Variants in DIP2B observed in about 807,000 individuals in gnomAD.
DIP2B encodes the protein disco-interacting protein 2 homolog B.
Under a neutral mutation model 198.0 loss-of-function variants are expected in DIP2B, and 76 were observed. The observed-to-expected ratio is 0.38, with a 90% CI of 0.32 to 0.46. The LOEUF is 0.46. Ranked by LOEUF, DIP2B falls within the 20% of genes least tolerant of loss-of-function variation. The pLI is 0.99. For missense variants in DIP2B, 1,559 were observed against 1,978.4 expected (o/e 0.79, Z 4.02); for synonymous variants, 701 against 739.1 (o/e 0.95, Z 0.84).
chr12:50,728,750 C>G, intron 30 of DIP2B, 72 bp downstream of exon 30: 2 of 1,536,638 alleles, frequency 1.3e-6, no homozygotes, highest in Non-Finnish European at 8.8e-7. Flanking sequence ...CTCATCCTTC[C>G]CTTTGCTCCC....
At chr12:50,564,017 T>C (rs1958542734) in intron 1 of DIP2B, among the ~76,000 whole-genome samples, 1 of 152,198 alleles carries the variant, frequency 6.6e-6, no homozygotes, top group African/African-American at 2.4e-5. Flanking sequence ...ACCTCCACTT[T>C]CCACTTCTGT....
chr12:50,694,531 A>G (rs933414883), intron 14 of DIP2B, among the ~76,000 whole-genome samples: 1 of 82,702 alleles, frequency 1.2e-5, no homozygotes, highest in African/African-American at 3.6e-5. Context: ...ATACATACAT[A>G]CATACATACA....
At chr12:50,604,699 C>T (rs1179148233) in intron 1 of DIP2B, among the ~76,000 whole-genome samples, 1 of 152,186 alleles carries the variant, frequency 6.6e-6, no homozygotes, top group East Asian at 1.9e-4. Flanking sequence ...CTACTTCAGC[C>T]TCCCAGAGTG....
rs140319666 is a variant in DIP2B, at chr12:50,528,384, T to G, written c.100+23144T>G. On this transcript the variant is annotated intron_variant, in intron 1 of 37. Transcript: ENST00000301180. Reference sequence around the variant, plus strand: ...GGGAGGCTGAGGCGGCAGGATTTCTTAAGGCCAGGAGTTCAAGACCAGCCT... The same window carrying G: ...GGGAGGCTGAGGCGGCAGGATTTCTGAAGGCCAGGAGTTCAAGACCAGCCT... Among the ~76,000 whole-genome samples, 756 of 150,974 alleles carry G rather than the reference T, an allele frequency of 5.0e-3. 5 individuals are homozygous for G. The highest frequency in any genetic ancestry group is 0.017 in the African/African-American group (706 of 41,028).
At chr12:50,605,098 T>C (rs1279769275) in intron 1 of DIP2B, among the ~76,000 whole-genome samples, 1 of 152,200 alleles carries the variant, frequency 6.6e-6, no homozygotes, top group Non-Finnish European at 1.5e-5. Context: ...TGACAGTGTC[T>C]TTTGAACACC....
chr12:50,605,510 C>T (rs1434408111), intron 1 of DIP2B, among the ~76,000 whole-genome samples: 1 of 152,130 alleles, frequency 6.6e-6, no homozygotes, highest in Non-Finnish European at 1.5e-5. Flanking sequence ...ATGCAGTGAG[C>T]TGAGATCACA....
intron 1 of DIP2B, among the ~76,000 whole-genome samples, chr12:50,552,548 G>A (rs533668135): frequency 6.6e-6 from 1 of 152,072 alleles, no homozygotes; most frequent in Admixed American, 6.6e-5. Flanking sequence ...TTTATATTCT[G>A]GATATTAACC....
chr12:50,558,227 T>C (rs1958487983), intron 1 of DIP2B, among the ~76,000 whole-genome samples: 1 of 152,208 alleles, frequency 6.6e-6, no homozygotes, highest in Non-Finnish European at 1.5e-5. Flanking sequence ...TCAAGATTTA[T>C]GGAGTTTTAT....
At chr12:50,595,861 A>G (rs1378480642) in intron 1 of DIP2B, among the ~76,000 whole-genome samples, 1 of 152,150 alleles carries the variant, frequency 6.6e-6, no homozygotes, top group Non-Finnish European at 1.5e-5. Flanking sequence ...TCCTGGGAAT[A>G]TATTGAAGTG....
rs1431536988 is a variant in DIP2B, at chr12:50,723,274, A to G, written c.3239A>G (p.His1080Arg). 1.9e-6 allele frequency: 3 copies of G among 1,614,008 alleles called. No individual in the cohort carries two copies. The highest frequency in any genetic ancestry group is 2.2e-5 in the East Asian group (1 of 44,898). The change falls in exon 27 of 38, where the codon CAT becomes CGT. Residue 1080 changes from histidine to arginine, a missense_variant. By Grantham distance (29) the His-to-Arg change is conservative. Transcript: ENST00000301180. ...GCIPVTVRPP[H>R]AQNLTATLPT... is the part of the protein sequence containing the mutation. Reference sequence around the variant, plus strand: ...ATACCTGTGACCGTCAGACCTCCACATGCTCAGAACCTCACGGCCACGCTG... The same window carrying G: ...ATACCTGTGACCGTCAGACCTCCACGTGCTCAGAACCTCACGGCCACGCTG...
chr12:50,715,891 C>T (rs1431515276), intron 23 of DIP2B, among the ~76,000 whole-genome samples: 1 of 152,096 alleles, frequency 6.6e-6, no homozygotes, highest in East Asian at 1.9e-4. Context: ...TGCCATAAGA[C>T]GTTTACAGAA....
chr12:50,651,585 T>A (rs557467752), intron 3 of DIP2B, among the ~76,000 whole-genome samples: 1 of 152,338 alleles, frequency 6.6e-6, no homozygotes, highest in Admixed American at 6.5e-5. Flanking sequence ...GAAGAAACTA[T>A]CCTTTCCTCA....
chr12:50,593,545 G>GAT (rs1481969828), intron 1 of DIP2B, among the ~76,000 whole-genome samples: 2 of 151,198 alleles, frequency 1.3e-5, no homozygotes, highest in Non-Finnish European at 2.9e-5. Flanking sequence ...GTCCATTAAG[G>GAT]ATATGTCCCA....
intron 18 of DIP2B, among the ~76,000 whole-genome samples, chr12:50,698,767 A>T (rs956954473): frequency 2.6e-5 from 4 of 152,220 alleles, no homozygotes; most frequent in African/African-American, 9.7e-5. Flanking sequence ...ACTGGCAGAA[A>T]ATTAGAGCAT....
rs1038755550 is a variant in DIP2B, at chr12:50,626,059, A to T, written c.172+12A>T. On this transcript the variant is annotated intron_variant, in intron 2 of 37. Coordinates refer to ENST00000301180, the MANE Select transcript of DIP2B (RefSeq NM_173602.3). ...CCCGCAGACACAAGGTAGGCAATAAAAAATGGTTTCAACTTTTTCAGTATT... is the reference window on the plus strand; with the variant it reads ...CCCGCAGACACAAGGTAGGCAATAATAAATGGTTTCAACTTTTTCAGTATT... 2.5e-6 allele frequency: 4 copies of T among 1,613,392 alleles called. No individual in the cohort carries two copies. The highest frequency in any genetic ancestry group is 2.5e-6 in the Non-Finnish European group (3 of 1,179,772).
chr12:50,631,388 G>A (rs554626519), intron 2 of DIP2B, among the ~76,000 whole-genome samples: 7 of 152,090 alleles, frequency 4.6e-5, no homozygotes, highest in Admixed American at 2.6e-4. Context: ...CACCACACTC[G>A]GCTAATTTTT....
At chr12:50,743,520 G>A (rs1307762004) in intron 37 of DIP2B, 14 of 152,170 alleles carry the variant, frequency 9.2e-5, no homozygotes, top group Non-Finnish European at 2.1e-4. Context: ...AATAACTCAT[G>A]TGAGTCAGAC....
chr12:50,723,403 C>A, intron 27 of DIP2B, 80 bp downstream of exon 27: 1 of 1,571,914 alleles, frequency 6.4e-7, no homozygotes, highest in Non-Finnish European at 8.6e-7. Flanking sequence ...ACTAATTTTC[C>A]AATTTTGTTA....
At chr12:50,674,981 A>G (rs1244080584) in intron 6 of DIP2B, among the ~76,000 whole-genome samples, 1 of 152,162 alleles carries the variant, frequency 6.6e-6, no homozygotes. Flanking sequence ...TGGCTAACAC[A>G]GTGAAACCCC....
Sources: gnomAD v4.1 joint callset for allele counts (sites outside exome capture counted in the v4.1 genomes callset) on GRCh38, gnomAD v4.1.1 for gene constraint, MANE v1.5 for transcripts, NCBI Gene and HGNC (gene_info 2026-07-23, HGNC 2026-07-21) for gene names.